The following LRP2BP variants were observed in gnomAD, a reference collection of about 807,000 sequenced individuals.
LRP2BP encodes LRP2-binding protein.
Under a neutral mutation model 45.2 loss-of-function variants are expected in LRP2BP, and 38 were observed. The observed-to-expected ratio is 0.84, with a 90% confidence interval of 0.65 to 1.10. The LOEUF (loss-of-function observed/expected upper bound fraction) is 1.10. Ranked by LOEUF, LRP2BP falls within the 50% of genes least tolerant of loss-of-function variation. The pLI, the probability that LRP2BP is intolerant of heterozygous loss-of-function variation, is 0.00. For synonymous variants in LRP2BP, 153 were observed against 153.9 expected (o/e 0.99, Z 0.04); for missense variants, 385 against 418.9 (o/e 0.92, Z 0.71).
intron 5 of LRP2BP, 25 bp from the exon 6 acceptor site, chr4:185,374,265 A>G: frequency 6.2e-7 from 1 of 1,614,118 alleles, no homozygotes; most frequent in East Asian, 2.2e-5. Flanking sequence ...GAGGCATGTT[A>G]TTCTCGGTTT....
intron 8 of LRP2BP, among the ~76,000 whole-genome samples, chr4:185,370,394 A>G (rs954367624): frequency 7.2e-5 from 11 of 152,210 alleles, no homozygotes; most frequent in African/African-American, 2.7e-4. Context: ...GGCTGCAGAT[A>G]GTAGCAGAAT....
At chr4:185,378,380 C>A (rs960425129) in intron 1 of LRP2BP, 173 bp from the exon 2 acceptor site, 3 of 1,395,744 alleles carry the variant, frequency 2.1e-6, no homozygotes, top group African/African-American at 2.9e-5. Flanking sequence ...GACACCAAGA[C>A]CCTCCTCCCT....
At chr4:185,396,938 T>C, upstream of LRP2BP, 1 of 1,613,714 alleles carries the variant, frequency 6.2e-7, no homozygotes, top group Non-Finnish European at 8.5e-7. Flanking sequence ...TGTTGCTGGA[T>C]TGCAACCCCG....
chr4:185,367,381 T>G (rs2095392388), intron 8 of LRP2BP, 136 bp from the exon 9 acceptor site: 8 of 691,442 alleles, frequency 1.2e-5, no homozygotes, highest in Non-Finnish European at 1.7e-5. Context: ...GTTAAGATAC[T>G]TTCTATTCTG....
At chr4:185,396,937 A>C (rs1428178755), upstream of LRP2BP, 3 of 1,613,520 alleles carry the variant, frequency 1.9e-6, no homozygotes, top group Non-Finnish European at 2.5e-6. Flanking sequence ...CTGTTGCTGG[A>C]TTGCAACCCC....
chr4:185,388,525 CCTAT>C (rs944429058), intron 1 of LRP2BP, among the ~76,000 whole-genome samples: 44 of 132,460 alleles, frequency 3.3e-4, no homozygotes, highest in South Asian at 1.5e-3. Context: ...TATCTACCTA[CCTAT>C]CTATCTATCT....
Position 185,365,709 on chromosome 4 carries a change from A to AATG in LRP2BP, c.*1470_*1471insCAT, listed in dbSNP as rs2095385742. On this transcript the variant is annotated 3_prime_UTR_variant, in exon 9 of 9. Coordinates refer to ENST00000505916, the MANE Select transcript of LRP2BP (RefSeq NM_001377440.1). ...AAAAAAAAATAATAATAATAATAAT[A>AATG]ATAATAATCTTTAGGAACTGGATTA... The AATG allele has an allele frequency of 6.6e-6, 1 of 150,438 alleles. No individual in the cohort carries two copies. Among genetic ancestry groups the AATG allele is most frequent in the Admixed American group, 6.6e-5 (1 of 15,154 alleles). 9.3% of individuals were successfully genotyped at this position (150,438 alleles called of 1,614,324 possible). A position where few individuals can be genotyped will look rare whatever the true frequency, so the allele number is the denominator to read the frequency against.
At chr4:185,389,531 T>A (rs1476625776) in intron 1 of LRP2BP, among the ~76,000 whole-genome samples, 3 of 152,102 alleles carry the variant, frequency 2.0e-5, no homozygotes, top group Non-Finnish European at 2.9e-5. Flanking sequence ...TTAAAACAAG[T>A]GAATAACAAT....
In LRP2BP at chr4:185,367,245, C is replaced by T. The variant is rs774957920; in HGVS notation, c.979G>A (p.Ala327Thr). Residue 327 changes from alanine (A) to threonine (T), a missense_variant and splice_region_variant, in exon 9 of 9, where the codon GCT (alanine) becomes ACT (threonine). Physicochemically the swap from Ala to Thr is moderately conservative, Grantham distance 58. Transcript: ENST00000505916. ...GCCAATGCGGGATTCAGACGACAAG[C>T]CTTAAAATCAAAAAGAGTCAGATAT... is the stretch of plus-strand genomic sequence containing the variant. ...ETTAKHYYSKACRLNPALADE... is the reference protein window; with the variant it reads ...ETTAKHYYSKTCRLNPALADE... The T allele has an allele frequency of 1.9e-6, 3 of 1,609,076 alleles. No homozygotes were observed. Among genetic ancestry groups the T allele is most frequent in the Non-Finnish European group, 2.5e-6 (3 of 1,177,428 alleles).
chr4:185,388,997 A>T (rs1001810016), intron 1 of LRP2BP, among the ~76,000 whole-genome samples: 46 of 151,796 alleles, frequency 3.0e-4, no homozygotes, highest in Non-Finnish European at 1.5e-4. Flanking sequence ...TGCTTGAATC[A>T]GCCTCCCAAG....
chr4:185,396,959 CG>C (rs1561100918), upstream of LRP2BP: 1 of 1,613,454 alleles, frequency 6.2e-7, no homozygotes, highest in Admixed American at 1.7e-5. Context: ...AGGTGAGATT[CG>C]GGCTCACAGA....
At chr4:185,374,108 C>T (rs2095425234) in intron 6 of LRP2BP, 27 bp downstream of exon 6, 1 of 1,557,842 alleles carries the variant, frequency 6.4e-7, no homozygotes, top group African/African-American at 1.4e-5. Flanking sequence ...AAATATAACA[C>T]TAGCATTAAA....
chr4:185,385,913 G>GC (rs1561091027), intron 1 of LRP2BP, among the ~76,000 whole-genome samples: 26 of 147,854 alleles, frequency 1.8e-4, no homozygotes, highest in Admixed American at 1.0e-3. Context: ...GGAGGGGGGG[G>GC]GGGAGATAAA....
chr4:185,378,814 G>A, intron 1 of LRP2BP: 1 of 985,436 alleles, frequency 1.0e-6, no homozygotes, highest in South Asian at 4.7e-5. Context: ...GCTGAGGGTA[G>A]TGAGACAGCA....
chr4:185,377,105 C>A, intron 2 of LRP2BP, 87 bp from the exon 3 acceptor site: 4 of 939,932 alleles, frequency 4.3e-6, no homozygotes, highest in Non-Finnish European at 6.8e-6. Flanking sequence ...ATCCATCTAA[C>A]ACTGTTGACA....
At position 185,370,798 on chromosome 4, in the gene LRP2BP, C is replaced by T; in HGVS notation, c.820G>A (p.Glu274Lys). The T allele has an allele frequency of 6.2e-7, 1 of 1,614,062 alleles. No individual in the cohort carries two copies. The highest frequency in any genetic ancestry group is 8.5e-7 in the Non-Finnish European group (1 of 1,179,996). Reference protein sequence around the residue: ...AFSKRIADYDEVHDIPMIAQV... With the variant: ...AFSKRIADYDKVHDIPMIAQV... ...GCGATCATGGGGATGTCGTGAACCT[C>T]ATCATAGTCAGCGATCCTGAGAGGA... Residue 274 changes from glutamate to lysine, a missense_variant, in exon 8 of 9, where the codon GAG becomes AAG. Glu to Lys is a moderately conservative substitution (Grantham distance 56). Transcript: ENST00000505916.
At chr4:185,390,484 AC>A (rs1257866660) in intron 1 of LRP2BP, 1 of 151,524 alleles carries the variant, frequency 6.6e-6, no homozygotes, top group East Asian at 1.9e-4. Flanking sequence ...GTGCCACTGC[AC>A]TCCAGCCTGG....
intron 8 of LRP2BP, 34 bp from the exon 9 acceptor site, chr4:185,367,279 A>C: frequency 6.4e-7 from 1 of 1,552,488 alleles, no homozygotes; most frequent in Non-Finnish European, 8.8e-7. Context: ...ATTTAGATAC[A>C]TTCTAATTGT....
At chr4:185,377,052 A>G in intron 2 of LRP2BP, 34 bp from the exon 3 acceptor site, 6 of 1,383,652 alleles carry the variant, frequency 4.3e-6, no homozygotes, top group Non-Finnish European at 6.2e-6. Context: ...TCCATCAACC[A>G]CACAATATGA....
Sources: allele counts gnomAD v4.1 joint callset (sites outside exome capture counted in the v4.1 genomes callset), GRCh38; gene constraint gnomAD v4.1.1; transcripts MANE v1.5; gene names NCBI Gene and HGNC (gene_info 2026-07-23, HGNC 2026-07-21).